Variants in CNTN5 observed in about 807,000 individuals in gnomAD.
CNTN5 encodes the protein contactin 5, also known as contactin-5.
CNTN5 carries 77 observed loss-of-function variants against 129.1 expected under a neutral mutation model. That is an observed-to-expected ratio of 0.60 (90% CI 0.50 to 0.72). The LOEUF (loss-of-function observed/expected upper bound fraction) is 0.72, where lower values mean the gene tolerates loss of function less well. CNTN5 is among the 30% of genes least tolerant of loss of function. The pLI, the probability that CNTN5 is intolerant of heterozygous loss-of-function variation, is 0.00. For missense variants in CNTN5, 1,478 were observed against 1,328.8 expected (o/e 1.11, Z -1.75); for synonymous variants, 509 against 465.6 (o/e 1.09, Z -1.20).
At chr11:100,098,223 T>C (rs1945081577) in intron 13 of CNTN5, among the ~76,000 whole-genome samples, 1 of 152,046 alleles carries the variant, frequency 6.6e-6, no homozygotes, top group Non-Finnish European at 1.5e-5. Flanking sequence ...AAAAAAGTAT[T>C]TGACTTTAAA....
intron 1 of CNTN5, among the ~76,000 whole-genome samples, chr11:99,024,672 C>A (rs545069262): frequency 6.6e-6 from 1 of 151,944 alleles, no homozygotes; most frequent in Non-Finnish European, 1.5e-5. Flanking sequence ...TAAGCTCATA[C>A]GTGTTACAAA....
At chr11:100,329,434 T>C (rs563477402) in intron 21 of CNTN5, among the ~76,000 whole-genome samples, 1 of 152,342 alleles carries the variant, frequency 6.6e-6, no homozygotes, top group South Asian at 2.1e-4. Flanking sequence ...TAAACAGCTG[T>C]GCTTAGGGCA....
intron 21 of CNTN5, chr11:100,336,793 G>C (rs956395063): frequency 2.9e-6 from 1 of 346,138 alleles, no homozygotes; most frequent in Non-Finnish European, 5.4e-6. Flanking sequence ...CGGATTCTGA[G>C]GTGTTCTGCG....
chr11:99,641,101 C>A (rs1255386440), intron 3 of CNTN5, among the ~76,000 whole-genome samples: 1 of 152,122 alleles, frequency 6.6e-6, no homozygotes, highest in African/African-American at 2.4e-5. Flanking sequence ...TGGGAGGGGG[C>A]AAAGTTGGGA....
intron 6 of CNTN5, among the ~76,000 whole-genome samples, chr11:99,915,621 T>G (rs980912396): frequency 1.3e-5 from 2 of 152,186 alleles, no homozygotes; most frequent in African/African-American, 4.8e-5. Flanking sequence ...CATGCTTGGT[T>G]TTACACATCA....
chr11:99,874,407 T>C (rs958928714), intron 6 of CNTN5, among the ~76,000 whole-genome samples: 9 of 152,136 alleles, frequency 5.9e-5, no homozygotes, highest in East Asian at 1.9e-4. Flanking sequence ...TTCCCACACA[T>C]TGGCAGCTGG....
At chr11:99,423,258 G>T (rs1464278134) in intron 2 of CNTN5, among the ~76,000 whole-genome samples, 2 of 152,142 alleles carry the variant, frequency 1.3e-5, no homozygotes, top group Non-Finnish European at 2.9e-5. Context: ...AGAGGAAAAA[G>T]CAGCTTCTAT....
At chr11:99,862,115 T>A (rs1948224992) in intron 6 of CNTN5, among the ~76,000 whole-genome samples, 1 of 152,294 alleles carries the variant, frequency 6.6e-6, no homozygotes, top group East Asian at 1.9e-4. Flanking sequence ...AATATTTAAA[T>A]ACAAAACATA....
At chr11:100,090,312 G>C (rs2137988478) in intron 13 of CNTN5, among the ~76,000 whole-genome samples, 1 of 152,118 alleles carries the variant, frequency 6.6e-6, no homozygotes, top group Non-Finnish European at 1.5e-5. Context: ...CCCAATATCA[G>C]CACTCCTCTT....
intron 6 of CNTN5, among the ~76,000 whole-genome samples, chr11:99,895,005 A>G (rs1445297729): frequency 6.6e-6 from 1 of 152,218 alleles, no homozygotes. Context: ...AGCACTTCCT[A>G]TAAATATATA....
chr11:99,693,943 G>A (rs1429665237), intron 3 of CNTN5, among the ~76,000 whole-genome samples: 5 of 151,996 alleles, frequency 3.3e-5, no homozygotes, highest in Non-Finnish European at 7.4e-5. Flanking sequence ...TGAGTGAGAG[G>A]AAGTCTGAGC....
At chr11:99,269,501 G>T (rs2511798) in intron 1 of CNTN5, among the ~76,000 whole-genome samples, 92,749 of 151,596 alleles carry the variant, frequency 0.61, 29,059 homozygotes, top group African/African-American at 0.75. Context: ...ATTCTAAACA[G>T]GTACGTGATT....
intron 13 of CNTN5, among the ~76,000 whole-genome samples, chr11:100,109,200 G>T (rs1338193497): frequency 1.3e-5 from 2 of 152,196 alleles, no homozygotes; most frequent in East Asian, 3.9e-4. Context: ...GGTCGAGGCG[G>T]ATGGATCACG....
intron 3 of CNTN5, among the ~76,000 whole-genome samples, chr11:99,804,935 T>C (rs536665703): frequency 9.2e-4 from 139 of 151,826 alleles, no homozygotes; most frequent in African/African-American, 3.2e-3. Flanking sequence ...TGATGGAACA[T>C]ATAACAGGAT....
chr11:99,718,576 G>A (rs1228381866), intron 3 of CNTN5, among the ~76,000 whole-genome samples: 1 of 152,090 alleles, frequency 6.6e-6, no homozygotes, highest in Non-Finnish European at 1.5e-5. Context: ...AGGAAAAACT[G>A]AAAGACAGTT....
In CNTN5 at chr11:99,190,487, T is replaced by C. The variant is rs114152655; in HGVS notation, c.-209-134859T>C. 4.6e-3 allele frequency among the ~76,000 whole-genome samples: 691 copies of C among 151,850 alleles called. 7 individuals carry two copies. The highest frequency in any genetic ancestry group is 0.014 in the African/African-American group (594 of 41,530). On this transcript the variant is annotated intron_variant, in intron 1 of 24. Transcript: ENST00000524871. ...CATTGAATTTGTAGATATCTTTGGG[T>C]AGTATGAACATTTTCATATTATTAA...
chr11:99,294,022 C>CT (rs1052607956), intron 1 of CNTN5, among the ~76,000 whole-genome samples: 4 of 151,270 alleles, frequency 2.6e-5, no homozygotes, highest in East Asian at 3.9e-4. Flanking sequence ...TATTTGAAGT[C>CT]TTTTTTTATA....
chr11:100,337,692 C>T, intron 21 of CNTN5: 2 of 579,170 alleles, frequency 3.5e-6, no homozygotes, highest in Non-Finnish European at 3.4e-6. Flanking sequence ...TTTTCTCCAG[C>T]TGTGCATATG....
chr11:99,867,089 G>C (rs1461375315), intron 6 of CNTN5, among the ~76,000 whole-genome samples: 1 of 152,196 alleles, frequency 6.6e-6, no homozygotes, highest in Non-Finnish European at 1.5e-5. Flanking sequence ...TGGAATTCCA[G>C]TCTTGATCTG....
Sources: allele counts gnomAD v4.1 joint callset (sites outside exome capture counted in the v4.1 genomes callset), GRCh38; gene constraint gnomAD v4.1.1; transcripts MANE v1.5; gene names NCBI Gene and HGNC (gene_info 2026-07-23, HGNC 2026-07-21).